Variants in VRK2 observed in about 807,000 individuals in gnomAD.
The protein encoded by VRK2 is VRK serine/threonine kinase 2.
Under a neutral mutation model 57.6 loss-of-function variants are expected in VRK2, and 60 were observed. The ratio of observed to expected loss-of-function variants is 1.04; its 90% CI spans 0.85 to 1.29. The LOEUF is 1.29. Among genes scored for constraint, VRK2 ranks in the 50% most tolerant of loss-of-function variants. The pLI is 0.00. For missense variants in VRK2, 705 were observed against 588.1 expected (o/e 1.20, Z -2.06); for synonymous variants, 231 against 199.2 (o/e 1.16, Z -1.35).
At chr2:58,158,541 G>A (rs1177727484) in intron 12 of VRK2, among the ~76,000 whole-genome samples, 1 of 150,420 alleles carries the variant, frequency 6.6e-6, no homozygotes, top group African/African-American at 2.4e-5. Flanking sequence ...CAGTGAACAA[G>A]CTTAAAGTAT....
At chr2:57,915,601 A>G (rs1670121443) in intron 1 of VRK2, among the ~76,000 whole-genome samples, 1 of 152,226 alleles carries the variant, frequency 6.6e-6, no homozygotes, top group South Asian at 2.1e-4. Flanking sequence ...AACAATGATG[A>G]CTAGAAATCT....
At chr2:58,154,651 T>G (rs1183478872) in intron 12 of VRK2, 1 of 690,826 alleles carries the variant, frequency 1.4e-6, no homozygotes, top group Non-Finnish European at 2.7e-6. Flanking sequence ...GGGGTCTCTT[T>G]GACCCATTTA....
intron 1 of VRK2, among the ~76,000 whole-genome samples, chr2:57,953,721 A>G (rs948241891): frequency 2.0e-5 from 3 of 152,144 alleles, no homozygotes; most frequent in African/African-American, 7.2e-5. Context: ...TGGCCACGCT[A>G]TCAGAGGAAG....
chr2:58,113,646 C>T (rs1675931390), intron 7 of VRK2, among the ~76,000 whole-genome samples: 1 of 151,858 alleles, frequency 6.6e-6, no homozygotes, highest in South Asian at 2.1e-4. Context: ...ACAAGGTGCT[C>T]AGTGGGGGAG....
At chr2:57,947,232 C>G (rs1185474691) in intron 1 of VRK2, among the ~76,000 whole-genome samples, 1 of 151,902 alleles carries the variant, frequency 6.6e-6, no homozygotes, top group Non-Finnish European at 1.5e-5. Flanking sequence ...TGTGAAGAAC[C>G]AAGTAGAAAT....
intron 3 of VRK2, 127 bp downstream of exon 3, chr2:58,084,265 T>A: frequency 1.0e-6 from 1 of 974,024 alleles, no homozygotes; most frequent in Non-Finnish European, 1.4e-6. Context: ...ATCATCTGTT[T>A]TGACGTTGTT....
At chr2:58,135,222 C>A in intron 10 of VRK2, 23 bp downstream of exon 10, 1 of 1,613,570 alleles carries the variant, frequency 6.2e-7, no homozygotes, top group East Asian at 2.2e-5. Flanking sequence ...ATAACTTCAA[C>A]CTTCTCTTAC....
At chr2:58,136,368 T>G (rs1409258525) in intron 10 of VRK2, among the ~76,000 whole-genome samples, 1 of 151,568 alleles carries the variant, frequency 6.6e-6, no homozygotes, top group Non-Finnish European at 1.5e-5. Context: ...TACTCCTTTA[T>G]GGCTAATATT....
chr2:57,959,663 CTCT>C (rs2103995140), intron 1 of VRK2, among the ~76,000 whole-genome samples: 1 of 152,258 alleles, frequency 6.6e-6, no homozygotes, highest in African/African-American at 2.4e-5. Flanking sequence ...CAGTTTGTTC[CTCT>C]TCATGCAGAA....
intron 7 of VRK2, among the ~76,000 whole-genome samples, chr2:58,118,561 A>T (rs1215531013): frequency 6.6e-6 from 1 of 152,320 alleles, no homozygotes; most frequent in Non-Finnish European, 1.5e-5. Flanking sequence ...CCGGATTTGA[A>T]ATTGGTGAGA....
chr2:58,138,333 G>T (rs1191414508), intron 10 of VRK2, among the ~76,000 whole-genome samples: 2 of 152,146 alleles, frequency 1.3e-5, no homozygotes, highest in African/African-American at 4.8e-5. Context: ...AGCAGCACTT[G>T]CTAGTTAACA....
intron 2 of VRK2, among the ~76,000 whole-genome samples, chr2:58,059,985 T>A (rs541037837): frequency 6.6e-6 from 1 of 151,950 alleles, no homozygotes; most frequent in South Asian, 2.1e-4. Flanking sequence ...TTGTTTCTAT[T>A]AAAAAATCAT....
intron 7 of VRK2, among the ~76,000 whole-genome samples, chr2:58,110,485 T>G (rs1172546143): frequency 6.6e-6 from 1 of 152,226 alleles, no homozygotes; most frequent in African/African-American, 2.4e-5. Context: ...TCATATCTGT[T>G]AAAAAATATA....
chr2:58,085,792 G>C (rs1671528879), intron 4 of VRK2, among the ~76,000 whole-genome samples: 1 of 151,668 alleles, frequency 6.6e-6, no homozygotes, highest in African/African-American at 2.4e-5. Context: ...AAAAACATAG[G>C]CTAGAGTCAT....
intron 2 of VRK2, among the ~76,000 whole-genome samples, chr2:58,053,728 A>G (rs920576203): frequency 1.3e-5 from 2 of 152,172 alleles, no homozygotes; most frequent in Non-Finnish European, 2.9e-5. Flanking sequence ...TACATATTAC[A>G]TTATTAAGTG....
chr2:58,154,334 TTC>T (rs1476007597), intron 12 of VRK2, among the ~76,000 whole-genome samples: 3 of 151,894 alleles, frequency 2.0e-5, no homozygotes, highest in Admixed American at 6.6e-5. Flanking sequence ...TTTTTTTTAA[TTC>T]TTTTTTTGAC....
chr2:57,968,588 G>A (rs1350402447), intron 1 of VRK2, among the ~76,000 whole-genome samples: 2 of 151,998 alleles, frequency 1.3e-5, no homozygotes, highest in African/African-American at 4.8e-5. Flanking sequence ...GCAAGCTGTT[G>A]TTATTACGTG....
intron 2 of VRK2, among the ~76,000 whole-genome samples, chr2:58,064,472 A>G (rs1572911971): frequency 6.6e-6 from 1 of 152,164 alleles, no homozygotes; most frequent in African/African-American, 2.4e-5. Context: ...TTTTTTAGCA[A>G]TAAAATATTT....
chr2:57,942,849 A>G (rs888206709), intron 1 of VRK2, among the ~76,000 whole-genome samples: 3 of 152,226 alleles, frequency 2.0e-5, no homozygotes, highest in Non-Finnish European at 2.9e-5. Context: ...TTCACAGTCA[A>G]TAACAGGCTC....
Sources: allele counts gnomAD v4.1 joint callset (sites outside exome capture counted in the v4.1 genomes callset), GRCh38; gene constraint gnomAD v4.1.1; transcripts MANE v1.5; gene names NCBI Gene and HGNC (gene_info 2026-07-23, HGNC 2026-07-21).